Variants in FERMT3 observed in about 807,000 individuals in gnomAD.
The protein encoded by FERMT3 is fermitin family homolog 3.
Under a neutral mutation model 80.8 loss-of-function variants are expected in FERMT3, and 33 were observed. That is an observed-to-expected ratio of 0.41 (90% CI 0.31 to 0.55). FERMT3 has a LOEUF of 0.55. Among genes scored for constraint, FERMT3 ranks in the 20% least tolerant of loss-of-function variants. FERMT3 has a pLI of 0.31. For synonymous variants in FERMT3, 375 were observed against 372.2 expected (o/e 1.01, Z -0.09); for missense variants, 754 against 908.7 (o/e 0.83, Z 2.19).
At chr11:64,218,595 G>A (rs145164395) in intron 6 of FERMT3, among the ~76,000 whole-genome samples, 206 of 152,330 alleles carry the variant, frequency 1.4e-3, no homozygotes, top group African/African-American at 4.5e-3. Context: ...GCAAGCCACC[G>A]CCCCGGCCTG....
rs140913422 is a variant in FERMT3, at chr11:64,207,468, G to T, written c.104G>T (p.Arg35Leu). ...CCAGAGGCCGAGTCGGTCACCCTGCGGGTCACTGGGGAGTCGCACATCGGC... is the reference window on the plus strand; with the variant it reads ...CCAGAGGCCGAGTCGGTCACCCTGCTGGTCACTGGGGAGTCGCACATCGGC... ...EDPEAESVTL[R>L]VTGESHIGGV... The change falls in exon 2 of 15, where the codon CGG (arginine) becomes CTG (leucine). Residue 35 changes from arginine (R) to leucine (L), a missense_variant. Physicochemically the swap from Arg to Leu is moderately radical, Grantham distance 102. Coordinates refer to ENST00000345728, the MANE Select transcript of FERMT3 (RefSeq NM_031471.6). The T allele has an allele frequency of 1.1e-4, 170 of 1,613,914 alleles. 1 individual carries two copies. Among genetic ancestry groups the T allele is most frequent in the Non-Finnish European group, 1.6e-5 (19 of 1,179,960 alleles).
chr11:64,207,571 G>A lies in FERMT3; in HGVS notation c.160+47G>A, dbSNP rs529425713. ...GCTGAACTCGGCACCATGGGCGGCC[G>A]CCACGGGTGTCTCTGGGCACTTCCG... On this transcript the variant is annotated intron_variant, in intron 2 of 14. Transcript: ENST00000345728. 6.3e-5 allele frequency: 99 copies of A among 1,567,882 alleles called. 1 individual carries two copies. The highest frequency in any genetic ancestry group is 4.7e-4 in the Admixed American group (27 of 57,656).
In FERMT3 at chr11:64,220,682, G is replaced by T; in HGVS notation, c.1545+13G>T. ...CAAGGCCAAGCAGGTACCAGAAGGC[G>T]TCAGGGTGGGAATGAGCATAGTGTT... On this transcript the variant is annotated intron_variant, in intron 12 of 14. Coordinates refer to ENST00000345728, the MANE Select transcript of FERMT3 (RefSeq NM_031471.6). 1 of 1,601,118 alleles carries T rather than the reference G, an allele frequency of 6.2e-7. No individual in the cohort carries two copies. Among genetic ancestry groups the T allele is most frequent in the East Asian group, 2.2e-5 (1 of 44,510 alleles).
rs1480032001 is a variant in FERMT3, at chr11:64,219,734, C to T, written c.1030-6C>T. 1.9e-6 allele frequency: 3 copies of T among 1,613,662 alleles called. No homozygotes were observed. The highest frequency in any genetic ancestry group is 1.7e-6 in the Non-Finnish European group (2 of 1,179,954). On this transcript the variant is annotated splice_region_variant and splice_polypyrimidine_tract_variant and intron_variant, in intron 8 of 14. Coordinates refer to ENST00000345728, the MANE Select transcript of FERMT3 (RefSeq NM_031471.6). The surrounding 1 kb of genome is among the most constrained non-coding windows in gnomAD (Gnocchi z 4.0). ...GGGTGCCCCTCTGACTCTGGTCCTCCCATAGGACAGCCTCACCACCATCCC... is the reference window on the plus strand; with the variant it reads ...GGGTGCCCCTCTGACTCTGGTCCTCTCATAGGACAGCCTCACCACCATCCC...
At position 64,208,270 on chromosome 11, in the gene FERMT3, CTG is replaced by C. The variant is rs1024593070; in HGVS notation, c.160+747_160+748del. Among the ~76,000 whole-genome samples the C allele has an allele frequency of 2.6e-4, 39 of 152,164 alleles. 1 individual carries two copies. Among genetic ancestry groups the C allele is most frequent in the Non-Finnish European group, 5.1e-4 (35 of 68,016 alleles). On this transcript the variant is annotated intron_variant, in intron 2 of 14. Transcript: ENST00000345728. Reference sequence around the variant, plus strand: ...GGTCCAGAACGGCCCGGCCACAAGACTGAGGCTGTGAGGGGAGCTGCCAGGGG... The same window carrying C: ...GGTCCAGAACGGCCCGGCCACAAGACAGGCTGTGAGGGGAGCTGCCAGGGG...
At chr11:64,216,389 C>T (rs1188900136) in intron 6 of FERMT3, among the ~76,000 whole-genome samples, 3 of 150,498 alleles carry the variant, frequency 2.0e-5, no homozygotes, top group African/African-American at 4.9e-5. Flanking sequence ...TTAGTAGAGA[C>T]GGGGTTTCAC....
chr11:64,211,612 G>T lies in FERMT3; in HGVS notation c.684-33G>T. On this transcript the variant is annotated intron_variant, in intron 5 of 14. Coordinates refer to ENST00000345728, the MANE Select transcript of FERMT3 (RefSeq NM_031471.6). The surrounding 1 kb of genome is among the most constrained non-coding windows in gnomAD (Gnocchi z 4.7). Reference sequence around the variant, plus strand: ...TCCCCACCCCACGGCCGTACCTGGCGCAGCCCTGACTGCTGCTTCTGCCGC... The same window carrying T: ...TCCCCACCCCACGGCCGTACCTGGCTCAGCCCTGACTGCTGCTTCTGCCGC... The T allele has an allele frequency of 6.2e-7, 1 of 1,607,560 alleles. No individual in the cohort carries two copies.
intron 2 of FERMT3, among the ~76,000 whole-genome samples, chr11:64,209,708 G>T (rs1433212904): frequency 6.6e-6 from 1 of 152,196 alleles, no homozygotes; most frequent in Non-Finnish European, 1.5e-5. Flanking sequence ...TGCAGCAGTG[G>T]GGTTGGGGGC....
intron 12 of FERMT3, 43 bp downstream of exon 12, chr11:64,220,712 C>A: frequency 6.5e-7 from 1 of 1,547,222 alleles, no homozygotes; most frequent in East Asian, 2.3e-5. Flanking sequence ...AGTGTTTACC[C>A]AGAGACCTCT....
intron 12 of FERMT3, 131 bp downstream of exon 12, chr11:64,220,800 G>T: frequency 1.5e-5 from 19 of 1,261,400 alleles, no homozygotes; most frequent in Non-Finnish European, 2.0e-5. Flanking sequence ...CCCTGAGATT[G>T]TGCGGCTGGT....
chr11:64,222,898 C>A (rs1267309392), intron 13 of FERMT3, 150 bp from the exon 14 acceptor site: 4 of 941,774 alleles, frequency 4.2e-6, no homozygotes, highest in Non-Finnish European at 6.5e-6. Flanking sequence ...GAACTTGAGG[C>A]CCAGGGAACC....
rs369062120 is a variant in FERMT3 at position 64,207,508 on chromosome 11, G to T, written c.144G>T (p.Lys48Asn). Residue 48 changes from lysine (K) to asparagine (N), a missense_variant, in exon 2 of 15, where the codon AAG becomes AAT. Physicochemically the swap from Lys to Asn is moderately conservative, Grantham distance 94. Transcript: ENST00000345728. ...GESHIGGVLL[K>N]IVEQINRKQD... is the part of the protein sequence containing the mutation. ...CGCACATCGGCGGGGTGCTCCTGAA[G>T]ATTGTGGAGCAGATCAGTGAGTGTC... 298 of 1,612,290 alleles carry T rather than the reference G, an allele frequency of 1.8e-4. 6 individuals are homozygous for T. In the South Asian group the frequency reaches 3.3e-3, roughly 18 times the overall value.
chr11:64,219,366 G>T lies in FERMT3; in HGVS notation c.894+8G>T. The T allele has an allele frequency of 6.3e-7, 1 of 1,587,322 alleles. No individual in the cohort carries two copies. The highest frequency in any genetic ancestry group is 8.6e-7 in the Non-Finnish European group (1 of 1,167,448). On this transcript the variant is annotated splice_region_variant and intron_variant, in intron 7 of 14. Transcript: ENST00000345728. This position sits in a 1 kb window ranked among gnomAD's most constrained non-coding sequence, Gnocchi z 4.0. ...GTGTTTGCCGCCCTGCAGGTACCAG[G>T]CGGGCCTGGGGGCACCAGGGCAGGT...
At chr11:64,216,938 C>T (rs1410373601) in intron 6 of FERMT3, among the ~76,000 whole-genome samples, 1 of 151,860 alleles carries the variant, frequency 6.6e-6, no homozygotes, top group African/African-American at 2.4e-5. Context: ...TTCTTGTTGT[C>T]TTGGTCTCTA....
chr11:64,211,674 A>G lies in FERMT3; in HGVS notation c.713A>G (p.Gln238Arg). ...CTGGACTCGTCGCGGTGTCTCATGC[A>G]GCAGGGCATCAAGGCCGGGGACGCA... ...RWLDSSRCLM[Q>R]QGIKAGDALW... Residue 238 changes from glutamine (Q) to arginine (R), a missense_variant, in exon 6 of 15, where the codon CAG becomes CGG. Physicochemically the swap from Gln to Arg is conservative, Grantham distance 43. Coordinates refer to ENST00000345728, the MANE Select transcript of FERMT3 (RefSeq NM_031471.6). This position sits in a 1 kb window ranked among gnomAD's most constrained non-coding sequence, Gnocchi z 4.7. 2 of 1,614,110 alleles carry G rather than the reference A, an allele frequency of 1.2e-6. No individual in the cohort carries two copies. Among genetic ancestry groups the G allele is most frequent in the Non-Finnish European group, 1.7e-6 (2 of 1,180,008 alleles).
At position 64,210,903 on chromosome 11, in the gene FERMT3, C is replaced by G. The variant is rs528606156; in HGVS notation, c.394+59C>G. Reference sequence around the variant, plus strand: ...GGGTGATGCAAAGAGGCAGGTTCCCCCGTTTCCAGGCCCAGCTCTGTTGAC... The same window carrying G: ...GGGTGATGCAAAGAGGCAGGTTCCCGCGTTTCCAGGCCCAGCTCTGTTGAC... On this transcript the variant is annotated intron_variant, in intron 3 of 14. Coordinates refer to ENST00000345728, the MANE Select transcript of FERMT3 (RefSeq NM_031471.6). This position sits in a 1 kb window ranked among gnomAD's most constrained non-coding sequence, Gnocchi z 4.3. 19 of 1,609,142 alleles carry G rather than the reference C, an allele frequency of 1.2e-5. No homozygotes were observed. In the Admixed American group the frequency reaches 2.8e-4, roughly 24 times the overall value.
intron 6 of FERMT3, among the ~76,000 whole-genome samples, chr11:64,214,960 C>T (rs929991575): frequency 1.3e-5 from 2 of 151,974 alleles, no homozygotes; most frequent in African/African-American, 4.8e-5. Flanking sequence ...CCACCGCCAC[C>T]ATGCCCAGCT....
At chr11:64,212,981 C>T (rs774603561) in intron 6 of FERMT3, among the ~76,000 whole-genome samples, 26 of 152,048 alleles carry the variant, frequency 1.7e-4, no homozygotes, top group Non-Finnish European at 3.2e-4. Context: ...GCAGCCTGGA[C>T]CTCCCAGGGT....
rs150686744 is a variant in FERMT3, at chr11:64,223,417, G to T, written c.1917G>T (p.Thr639=). Residue 639 remains threonine (T), a synonymous_variant, in exon 15 of 15, where the codon ACG becomes ACT. Transcript: ENST00000345728. ...TCGGGGGCTACATTTTCCTGTCGAC[G>T]CGGGAGCGGGCCCGTGGGGAGGAGC... The part of the protein sequence containing the change: ...EYIGGYIFLS[T]RERARGEELD... 6.2e-7 allele frequency: 1 copy of T among 1,613,546 alleles called. No individual in the cohort carries two copies. Among genetic ancestry groups the T allele is most frequent in the Admixed American group, 1.7e-5 (1 of 60,030 alleles).
Sources: allele counts gnomAD v4.1 joint callset (sites outside exome capture counted in the v4.1 genomes callset), GRCh38; gene constraint gnomAD v4.1.1; non-coding constraint Gnocchi (gnomAD v3.1); transcripts MANE v1.5; gene names NCBI Gene and HGNC (gene_info 2026-07-23, HGNC 2026-07-21).